The following TRMT11 variants were observed in gnomAD, a reference collection of about 807,000 sequenced individuals.
TRMT11 encodes tRNA (guanine(10)-N(2))-methyltransferase TRMT11.
In TRMT11, 53 loss-of-function variants were observed where a neutral mutation model predicts 62.8. The ratio of observed to expected loss-of-function variants is 0.84; its 90% confidence interval spans 0.68 to 1.06. The LOEUF (loss-of-function observed/expected upper bound fraction) is 1.06. Among genes scored for constraint, TRMT11 ranks in the 50% least tolerant of loss-of-function variants. The pLI, the probability that TRMT11 is intolerant of heterozygous loss-of-function variation, is 0.00. For missense variants in TRMT11, 556 were observed against 553.4 expected (o/e 1.00, Z -0.05); for synonymous variants, 188 against 190.3 (o/e 0.99, Z 0.10).
the TRMT11 span, among the ~76,000 whole-genome samples, chr6:126,232,530 A>G: frequency 6.6e-6 from 1 of 152,190 alleles, no homozygotes; most frequent in South Asian, 2.1e-4. Flanking sequence ...AATGTATTTG[A>G]AGAACAAAAA....
At chr6:126,066,986 A>G (rs1776711670) in intron 17 of TRMT11, among the ~76,000 whole-genome samples, 1 of 152,070 alleles carries the variant, frequency 6.6e-6, no homozygotes, top group Non-Finnish European at 1.5e-5. Context: ...GCACTTCTGT[A>G]GGCCAAGCCG....
At chr6:126,237,065 T>TAGAGAGAGAGAG in the TRMT11 span, among the ~76,000 whole-genome samples, 7 of 142,568 alleles carry the variant, frequency 4.9e-5, 1 homozygote, top group South Asian at 1.1e-3. Flanking sequence ...CTCCTAGAGA[T>TAGAGAGAGAGAG]AGAGAGAGAG....
intron 3 of TRMT11, among the ~76,000 whole-genome samples, chr6:125,997,495 T>C (rs1326326750): frequency 6.6e-6 from 1 of 152,264 alleles, no homozygotes; most frequent in African/African-American, 2.4e-5. Context: ...TAAAATTGTG[T>C]GTGTGTGTCC....
At chr6:126,186,279 A>G (rs1399023460) in intron 1 of TRMT11, among the ~76,000 whole-genome samples, 2 of 152,210 alleles carry the variant, frequency 1.3e-5, no homozygotes, top group African/African-American at 4.8e-5. Context: ...GGCACAAAGT[A>G]ACTATAATTT....
chr6:126,196,381 C>A (rs1778666731), intron 1 of TRMT11, among the ~76,000 whole-genome samples: 1 of 152,230 alleles, frequency 6.6e-6, no homozygotes, highest in South Asian at 2.1e-4. Context: ...GGTTTATCAC[C>A]TAAGTTGTAA....
rs1791009966 is a variant in TRMT11, at chr6:125,993,780, T to C, written c.96T>C (p.Leu32=). The C allele has an allele frequency of 6.2e-7, 1 of 1,610,780 alleles. No homozygotes were observed. The highest frequency in any genetic ancestry group is 8.5e-7 in the Non-Finnish European group (1 of 1,177,430). ...AGGAAATAAAGTCTTTGCTTTTGCT[T>C]TTTGGAGGTCAGTTTGCCAGCAGTC... ...RLPEIKSLLL[L]FGGQFASSQE... The change falls in exon 2 of 13, where the codon CTT becomes CTC. Residue 32 remains leucine, a synonymous_variant. Coordinates refer to ENST00000334379, the MANE Select transcript of TRMT11 (RefSeq NM_001031712.3).
At chr6:126,135,679 C>T (rs1261005889) in intron 21 of TRMT11, among the ~76,000 whole-genome samples, 1 of 151,560 alleles carries the variant, frequency 6.6e-6, no homozygotes, top group Non-Finnish European at 1.5e-5. Context: ...CAAAGACACA[C>T]ACACAAAGTA....
intron 20 of TRMT11, among the ~76,000 whole-genome samples, chr6:126,115,567 T>G (rs965156913): frequency 3.9e-5 from 6 of 152,158 alleles, no homozygotes; most frequent in African/African-American, 1.4e-4. Context: ...TCTGAAAATA[T>G]TTATATTGCT....
At chr6:125,986,815 A>T (rs1789712444) in intron 1 of TRMT11, 193 bp downstream of exon 1, 3 of 583,254 alleles carry the variant, frequency 5.1e-6, no homozygotes, top group Non-Finnish European at 9.1e-6. Flanking sequence ...GTCCGAGACC[A>T]AACCCCTCGG....
chr6:126,198,257 C>A (rs1778690355), intron 1 of TRMT11, among the ~76,000 whole-genome samples: 1 of 152,024 alleles, frequency 6.6e-6, no homozygotes, highest in Non-Finnish European at 1.5e-5. Context: ...GTGGCAGAAA[C>A]TTAGGGTCAG....
chr6:126,247,051 G>A, the TRMT11 span, among the ~76,000 whole-genome samples: 1 of 152,180 alleles, frequency 6.6e-6, no homozygotes, highest in Admixed American at 6.5e-5. Context: ...AGCTTTTGAA[G>A]AAGGCAGTGG....
intron 17 of TRMT11, among the ~76,000 whole-genome samples, chr6:126,101,804 C>T (rs990227057): frequency 2.0e-5 from 3 of 152,304 alleles, no homozygotes; most frequent in East Asian, 1.9e-4. Flanking sequence ...TTGGCATCTC[C>T]GTTTCCCTCC....
intron 19 of TRMT11, among the ~76,000 whole-genome samples, chr6:126,114,987 A>G (rs770229088): frequency 2.6e-5 from 4 of 151,956 alleles, no homozygotes; most frequent in Non-Finnish European, 5.9e-5. Context: ...GTTCAATTTT[A>G]GTTTCTCTCT....
the TRMT11 span, among the ~76,000 whole-genome samples, chr6:126,219,219 A>G: frequency 6.6e-6 from 1 of 151,974 alleles, no homozygotes; most frequent in African/African-American, 2.4e-5. Context: ...TTGTGTGTGT[A>G]GATAGTTGTT....
At chr6:126,114,407 C>T (rs1323509674) in intron 18 of TRMT11, among the ~76,000 whole-genome samples, 2 of 152,044 alleles carry the variant, frequency 1.3e-5, no homozygotes, top group African/African-American at 4.8e-5. Flanking sequence ...GAAAGATCCT[C>T]TACTAGGGGT....
In TRMT11 at chr6:126,066,327, A is replaced by G. The variant is rs150010407; in HGVS notation, c.*1437+13137A>G. 6.9e-4 allele frequency among the ~76,000 whole-genome samples: 105 copies of G among 152,330 alleles called. No homozygotes were observed. The East Asian group carries it at 8.3e-3, about 12-fold the overall frequency. ...GTTTGGGCTGCCATAACAGAATACT[A>G]TGGACCAAGTGACATCAACAACAAA... On this transcript the variant is annotated intron_variant and NMD_transcript_variant, in intron 17 of 22. Coordinates refer to the TRMT11 transcript ENST00000648977.
At chr6:126,078,239 A>G (rs545673612) in intron 17 of TRMT11, among the ~76,000 whole-genome samples, 1 of 152,324 alleles carries the variant, frequency 6.6e-6, no homozygotes, top group South Asian at 2.1e-4. Context: ...GTGAAATCAA[A>G]TTTAGGCGAA....
At chr6:126,158,397 C>T (rs1405076040) in intron 21 of TRMT11, among the ~76,000 whole-genome samples, 1 of 152,144 alleles carries the variant, frequency 6.6e-6, no homozygotes, top group Admixed American at 6.5e-5. Flanking sequence ...CAGCTGGATC[C>T]AGACACTGGA....
intron 21 of TRMT11, among the ~76,000 whole-genome samples, chr6:126,144,022 A>T (rs1777947582): frequency 6.6e-6 from 1 of 152,218 alleles, no homozygotes; most frequent in South Asian, 2.1e-4. Flanking sequence ...GATCTTTTGG[A>T]AGTCACATGA....
Sources: gnomAD v4.1 joint callset for allele counts (sites outside exome capture counted in the v4.1 genomes callset) on GRCh38, gnomAD v4.1.1 for gene constraint, MANE v1.5 for transcripts, NCBI Gene and HGNC (gene_info 2026-07-23, HGNC 2026-07-21) for gene names.